TMEM71: variants seen among roughly 807,000 people sequenced by gnomAD.
The protein encoded by TMEM71 is transmembrane protein 71.
Under a neutral mutation model 38.0 loss-of-function variants are expected in TMEM71, and 44 were observed. That is an observed-to-expected ratio of 1.16 (90% CI 0.91 to 1.49). The LOEUF (loss-of-function observed/expected upper bound fraction) is 1.49. Among genes scored for constraint, TMEM71 ranks in the 40% most tolerant of loss-of-function variants. TMEM71 has a pLI of 0.00. For missense variants in TMEM71, 367 were observed against 348.6 expected, an observed-to-expected ratio of 1.05 and a Z score of -0.42; for synonymous variants, 133 against 122.5, an observed-to-expected ratio of 1.09 and a Z score of -0.56.
intron 5 of TMEM71, among the ~76,000 whole-genome samples, chr8:132,737,887 T>C (rs1248961298): frequency 6.6e-6 from 1 of 152,230 alleles, no homozygotes; most frequent in Non-Finnish European, 1.5e-5. Flanking sequence ...GTATTCCTTC[T>C]CAGATTGGCT....
chr8:132,738,211 A>G (rs559487911), intron 5 of TMEM71, among the ~76,000 whole-genome samples: 1 of 152,324 alleles, frequency 6.6e-6, no homozygotes, highest in Admixed American at 6.5e-5. Flanking sequence ...TAACTTGCCC[A>G]AGAACATTCA....
chr8:132,762,474 G>T (rs1356359638), upstream of TMEM71, among the ~76,000 whole-genome samples: 2 of 150,114 alleles, frequency 1.3e-5, no homozygotes, highest in East Asian at 3.9e-4. Context: ...AAAGACTTTG[G>T]TCTACTTTTT....
At chr8:132,712,099 A>G (rs1826266488) in intron 9 of TMEM71, among the ~76,000 whole-genome samples, 1 of 152,170 alleles carries the variant, frequency 6.6e-6, no homozygotes, top group Non-Finnish European at 1.5e-5. Context: ...ATGAATATGT[A>G]CAGAGTACAT....
downstream of TMEM71, among the ~76,000 whole-genome samples, chr8:132,706,423 C>T (rs1013173646): frequency 3.7e-4 from 56 of 152,130 alleles, no homozygotes; most frequent in African/African-American, 1.3e-3. Context: ...AGGTAGTAGG[C>T]TCTCAAAAAA....
chr8:132,717,360 G>A (rs1253792306), intron 7 of TMEM71, among the ~76,000 whole-genome samples: 2 of 152,316 alleles, frequency 1.3e-5, no homozygotes, highest in South Asian at 2.1e-4. Flanking sequence ...TTAATATGCA[G>A]AATATATAAA....
intron 1 of TMEM71, chr8:132,759,151 A>G: frequency 3.0e-6 from 1 of 327,884 alleles, no homozygotes; most frequent in South Asian, 1.0e-4. Context: ...ATTTTTCTGT[A>G]AATAAGAACC....
intron 5 of TMEM71, among the ~76,000 whole-genome samples, chr8:132,729,669 T>C (rs1827341920): frequency 6.6e-6 from 1 of 152,112 alleles, no homozygotes; most frequent in African/African-American, 2.4e-5. Context: ...TGGACAAAGC[T>C]GCCAAAAGGG....
At chr8:132,747,336 T>C (rs1047088851) in intron 4 of TMEM71, among the ~76,000 whole-genome samples, 4 of 152,210 alleles carry the variant, frequency 2.6e-5, no homozygotes, top group African/African-American at 7.2e-5. Context: ...CAATGTATTA[T>C]AGGAGAAAGA....
chr8:132,762,200 T>C (rs982564210), upstream of TMEM71, among the ~76,000 whole-genome samples: 1 of 152,248 alleles, frequency 6.6e-6, no homozygotes, highest in African/African-American at 2.4e-5. Context: ...CTGTAGAATA[T>C]AGTCACATTT....
intron 7 of TMEM71, among the ~76,000 whole-genome samples, chr8:132,720,440 A>G (rs1397899972): frequency 2.0e-5 from 3 of 152,196 alleles, no homozygotes; most frequent in Admixed American, 6.5e-5. Context: ...CCTTCACCAC[A>G]TTATTTCACT....
intron 7 of TMEM71, among the ~76,000 whole-genome samples, chr8:132,719,653 G>A (rs1461592268): frequency 2.0e-5 from 3 of 152,080 alleles, no homozygotes; most frequent in Admixed American, 6.5e-5. Context: ...TCTTGCCCAC[G>A]TCTATACAGT....
chr8:132,726,920 A>T (rs1351110573), intron 6 of TMEM71, among the ~76,000 whole-genome samples: 1 of 148,252 alleles, frequency 6.7e-6, no homozygotes, highest in Non-Finnish European at 1.5e-5. Flanking sequence ...ATCTCGAGTG[A>T]TCTCGACTCA....
chr8:132,750,196 G>A (rs74710233), intron 4 of TMEM71, among the ~76,000 whole-genome samples: 1 of 152,098 alleles, frequency 6.6e-6, no homozygotes, highest in South Asian at 2.1e-4. Context: ...GAGGATAAGT[G>A]GTGCTTCTTT....
At chr8:132,764,706 C>A (rs559667478), upstream of TMEM71, among the ~76,000 whole-genome samples, 21 of 152,314 alleles carry the variant, frequency 1.4e-4, no homozygotes, top group South Asian at 4.4e-3. Context: ...AGCAGCCTCT[C>A]TGACCCTCCC....
intron 5 of TMEM71, among the ~76,000 whole-genome samples, chr8:132,739,013 C>T (rs1305007536): frequency 6.6e-6 from 1 of 151,956 alleles, no homozygotes; most frequent in Non-Finnish European, 1.5e-5. Context: ...CTGACCCTCT[C>T]TATACTATTT....
intron 3 of TMEM71, among the ~76,000 whole-genome samples, chr8:132,753,517 A>G (rs757489223): frequency 2.0e-5 from 3 of 152,082 alleles, no homozygotes; most frequent in Non-Finnish European, 2.9e-5. Context: ...TGCTTGTTCC[A>G]TCTGCTGTAT....
chr8:132,765,716 T>C, the TMEM71 span, among the ~76,000 whole-genome samples: 1 of 152,202 alleles, frequency 6.6e-6, no homozygotes, highest in East Asian at 1.9e-4. Context: ...CAATTCTGGA[T>C]CATTCCTAGT....
chr8:132,743,131 C>T (rs549070819), intron 5 of TMEM71, among the ~76,000 whole-genome samples: 6 of 152,132 alleles, frequency 3.9e-5, no homozygotes, highest in African/African-American at 1.2e-4. Context: ...ACAGCCAAAC[C>T]GTATCATGAC....
chr8:132,746,934 A>G lies in TMEM71; in HGVS notation c.487+8T>C. ...AATTTTACTATGGAAAGGAGGACTC[A>G]AACTCACCATTTCCATTGCAATGGT... On this transcript the variant is annotated splice_region_variant and intron_variant, in intron 5 of 9. Coordinates refer to ENST00000677595, the MANE Select transcript of TMEM71 (RefSeq NM_001382403.1). 6.3e-7 allele frequency: 1 copy of G among 1,579,618 alleles called. No individual in the cohort carries two copies. Among genetic ancestry groups the G allele is most frequent in the Non-Finnish European group, 8.6e-7 (1 of 1,165,902 alleles).
Sources: allele counts gnomAD v4.1 joint callset (sites outside exome capture counted in the v4.1 genomes callset), GRCh38; gene constraint gnomAD v4.1.1; transcripts MANE v1.5; gene names NCBI Gene and HGNC (gene_info 2026-07-23, HGNC 2026-07-21).